The following FAAH2 variants were observed in gnomAD, a reference collection of about 807,000 sequenced individuals.
FAAH2 encodes fatty-acid amide hydrolase 2.
FAAH2 carries 60 observed loss-of-function variants against 36.9 expected under a neutral mutation model. The ratio of observed to expected loss-of-function variants is 1.63; its 90% CI spans 1.32 to 2.02. The LOEUF (loss-of-function observed/expected upper bound fraction) is 2.02. Among genes scored for constraint, FAAH2 ranks in the 30% most tolerant of loss-of-function variants. FAAH2 has a pLI of 0.00. For synonymous variants in FAAH2, 214 were observed against 143.8 expected, an observed-to-expected ratio of 1.49 and a Z score of -3.49; for missense variants, 689 against 397.5, an observed-to-expected ratio of 1.73 and a Z score of -6.23.
chrX:57,366,463 A>G, intron 5 of FAAH2, among the ~76,000 whole-genome samples: 1 of 112,285 alleles, frequency 8.9e-6, no homozygotes, highest in Non-Finnish European at 1.9e-5. Flanking sequence ...ACACTAACAG[A>G]CGCTGCTAGC....
At chrX:57,277,086 T>C in the FAAH2 span, among the ~76,000 whole-genome samples, 1 of 110,582 alleles carries the variant, frequency 9.0e-6, no homozygotes, top group Non-Finnish European at 1.9e-5. Context: ...ATGGCCAGCA[T>C]CAGCCTGATA....
At chrX:57,323,368 C>G (rs2146958242) in intron 3 of FAAH2, among the ~76,000 whole-genome samples, 1 of 111,604 alleles carries the variant, frequency 9.0e-6, no homozygotes, top group South Asian at 3.8e-4. Flanking sequence ...ATGGCTGGGT[C>G]AAATGGTATT....
the FAAH2 span, among the ~76,000 whole-genome samples, chrX:57,175,284 T>C: frequency 1.8e-5 from 2 of 111,886 alleles, no homozygotes; most frequent in Non-Finnish European, 3.8e-5. Flanking sequence ...ATTAGGATTG[T>C]AATATCTTCT....
the FAAH2 span, among the ~76,000 whole-genome samples, chrX:57,222,485 C>T: frequency 2.7e-5 from 3 of 112,090 alleles, no homozygotes; most frequent in African/African-American, 9.8e-5. Context: ...AGCCACCATT[C>T]TCCGATGGCC....
chrX:57,292,529 T>G lies in FAAH2; in HGVS notation c.224T>G (p.Ile75Ser). The G allele has an allele frequency of 8.3e-7, 1 of 1,210,119 alleles. No individual in the cohort carries two copies. The highest frequency in any genetic ancestry group is 1.1e-6 in the Non-Finnish European group (1 of 894,437). The change falls in exon 2 of 11, where the codon ATC becomes AGC. Residue 75 changes from isoleucine (I) to serine (S), a missense_variant. Ile to Ser is a moderately radical substitution (Grantham distance 142, BLOSUM62 -2). Transcript: ENST00000374900. ...TGTATAGATGTTGTTCAGGCTTATA[T>G]CAACAGAATCAAGGACGTGAACCCA... ...VKCIDVVQAY[I>S]NRIKDVNPMI...
intron 3 of FAAH2, among the ~76,000 whole-genome samples, chrX:57,325,449 G>T (rs943944033): frequency 9.0e-6 from 1 of 111,479 alleles, no homozygotes; most frequent in Non-Finnish European, 1.9e-5. Context: ...GTAGAATTCT[G>T]CTGTGAATCC....
At position 57,448,607 on chromosome X, in the gene FAAH2, G is replaced by T; in HGVS notation, c.1312G>T (p.Glu438Ter). The T allele has an allele frequency of 1.7e-6, 2 of 1,211,541 alleles. No individual in the cohort carries two copies. Among genetic ancestry groups the T allele is most frequent in the East Asian group, 3.0e-5 (1 of 33,790 alleles). Residue 438 changes from glutamate to a stop codon, truncating the protein, a stop_gained, in exon 10 of 11, where the codon GAG (glutamate) becomes TAG (stop). Coordinates refer to ENST00000374900, the MANE Select transcript of FAAH2 (RefSeq NM_174912.4). LOFTEE classifies it high-confidence loss of function. ...FKAVEESLRK[E>*]LVDMLGDDGV... ...GGCAGTGGAAGAAAGCCTGCGTAAA[G>T]AGCTGGTGGATATGCTAGGTGATGA...
At chrX:57,202,667 A>G in the FAAH2 span, among the ~76,000 whole-genome samples, 4 of 111,732 alleles carry the variant, frequency 3.6e-5, no homozygotes, top group Non-Finnish European at 7.5e-5. Flanking sequence ...TAAGGCCCAC[A>G]GGCTCTACAG....
chrX:57,135,996 T>A, the FAAH2 span: 1 of 1,208,197 alleles, frequency 8.3e-7, no homozygotes, highest in South Asian at 1.8e-5. Flanking sequence ...TCCTCCTGGC[T>A]CCCTCTCTGT....
the FAAH2 span, among the ~76,000 whole-genome samples, chrX:57,226,123 G>T: frequency 1.8e-5 from 2 of 112,092 alleles, no homozygotes; most frequent in African/African-American, 6.5e-5. Flanking sequence ...AGCATGTAGG[G>T]TATTTACATT....
chrX:57,418,155 C>A (rs1389767031), intron 7 of FAAH2, among the ~76,000 whole-genome samples: 1 of 112,114 alleles, frequency 8.9e-6, no homozygotes, highest in Non-Finnish European at 1.9e-5. Flanking sequence ...TGGGTCTTCA[C>A]TTGCTGGGTT....
the FAAH2 span, among the ~76,000 whole-genome samples, chrX:57,155,170 G>A: frequency 2.7e-5 from 3 of 111,883 alleles, no homozygotes; most frequent in Non-Finnish European, 3.8e-5. Flanking sequence ...CTCCTGCCAC[G>A]AGGTGACACT....
At chrX:57,322,078 C>T (rs1288705532) in intron 3 of FAAH2, among the ~76,000 whole-genome samples, 3 of 109,581 alleles carry the variant, frequency 2.7e-5, no homozygotes, top group Non-Finnish European at 3.8e-5. Context: ...GCTCAGCTCA[C>T]TGCAAGCTCT....
intron 5 of FAAH2, among the ~76,000 whole-genome samples, chrX:57,376,420 T>C (rs932024663): frequency 1.8e-5 from 2 of 110,933 alleles, no homozygotes; most frequent in African/African-American, 6.6e-5. Flanking sequence ...CAGTGTGTGA[T>C]ATTCCACTCC....
intron 10 of FAAH2, among the ~76,000 whole-genome samples, chrX:57,459,887 G>T (rs193034618): frequency 1.8e-5 from 2 of 111,893 alleles, no homozygotes; most frequent in African/African-American, 6.5e-5. Flanking sequence ...CTACAATGAA[G>T]AAAAAACAGC....
At chrX:57,179,135 A>G in the FAAH2 span, among the ~76,000 whole-genome samples, 1 of 111,698 alleles carries the variant, frequency 9.0e-6, no homozygotes, top group Non-Finnish European at 1.9e-5. Context: ...CTTTCCTATA[A>G]AAAGGAAAGA....
chrX:57,303,369 C>G (rs2052433108), intron 2 of FAAH2, among the ~76,000 whole-genome samples: 1 of 111,673 alleles, frequency 9.0e-6, no homozygotes, highest in South Asian at 3.8e-4. Context: ...TCCCTAAGCT[C>G]TATGGTTTGG....
Position 57,448,584 on chromosome X carries a change from C to G in FAAH2, c.1289C>G (p.Ala430Gly), listed in dbSNP as rs1315481816. ...AATGAGAAATACCAAAAGTTTAAGG[C>G]AGTGGAAGAAAGCCTGCGTAAAGAG... ...YSNEKYQKFKAVEESLRKELV... is the reference protein window; with the variant it reads ...YSNEKYQKFKGVEESLRKELV... The change falls in exon 10 of 11, where the codon GCA becomes GGA. Residue 430 changes from alanine to glycine, a missense_variant. Transcript: ENST00000374900. The G allele has an allele frequency of 1.7e-6, 2 of 1,211,269 alleles. No individual in the cohort carries two copies. The highest frequency in any genetic ancestry group is 1.8e-5 in the South Asian group (1 of 56,948).
chrX:57,131,753 A>T, the FAAH2 span, among the ~76,000 whole-genome samples: 12 of 112,471 alleles, frequency 1.1e-4, no homozygotes, highest in East Asian at 5.6e-4. Context: ...TATTACAGAT[A>T]TGCTTGAACC....
Sources: gnomAD v4.1 joint callset for allele counts (sites outside exome capture counted in the v4.1 genomes callset) on GRCh38, gnomAD v4.1.1 for gene constraint, MANE v1.5 for transcripts, NCBI Gene and HGNC (gene_info 2026-07-23, HGNC 2026-07-21) for gene names.